Variants in CCDC7 observed in about 807,000 individuals in gnomAD.
CCDC7 encodes the protein coiled-coil domain-containing protein 7.
A neutral mutation model predicts 196.9 loss-of-function variants in CCDC7; 183 were observed. The ratio of observed to expected loss-of-function variants is 0.93; its 90% CI spans 0.82 to 1.05. The LOEUF (loss-of-function observed/expected upper bound fraction) is 1.05. CCDC7 is among the 50% of genes least tolerant of loss of function. The pLI is 0.00. For synonymous variants in CCDC7, 525 were observed against 484.6 expected, an observed-to-expected ratio of 1.08 and a Z score of -1.10; for missense variants, 1,540 against 1,482.2, an observed-to-expected ratio of 1.04 and a Z score of -0.64.
At chr10:32,632,146 G>T (rs1213601661) in intron 18 of CCDC7, among the ~76,000 whole-genome samples, 7 of 139,744 alleles carry the variant, frequency 5.0e-5, no homozygotes, top group African/African-American at 1.3e-4. Flanking sequence ...TTTTGGGGGG[G>T]GGGGGGTCTA....
intron 25 of CCDC7, among the ~76,000 whole-genome samples, chr10:32,725,917 A>G (rs1051235404): frequency 1.3e-5 from 2 of 152,206 alleles, no homozygotes; most frequent in African/African-American, 4.8e-5. Context: ...ACCATATCAA[A>G]TATGTAAAAC....
chr10:32,728,991 C>G, exon 27 of CCDC7: 1 of 1,569,334 alleles, frequency 6.4e-7, no homozygotes, highest in Non-Finnish European at 8.8e-7. Flanking sequence ...AGTGGAAAGA[C>G]ACAAGAGTGA....
At chr10:32,594,381 AT>A (rs1269284561) in intron 18 of CCDC7, among the ~76,000 whole-genome samples, 1 of 152,084 alleles carries the variant, frequency 6.6e-6, no homozygotes, top group African/African-American at 2.4e-5. Context: ...AATGCTTGTG[AT>A]TTTTGCACAT....
At chr10:32,609,127 A>G (rs575395295) in intron 18 of CCDC7, among the ~76,000 whole-genome samples, 3 of 152,084 alleles carry the variant, frequency 2.0e-5, no homozygotes, top group Admixed American at 6.6e-5. Context: ...TGTTATGTCC[A>G]CTTAAGTCTA....
chr10:32,771,245 T>C (rs2134082397), intron 28 of CCDC7, among the ~76,000 whole-genome samples: 1 of 152,348 alleles, frequency 6.6e-6, no homozygotes, highest in East Asian at 1.9e-4. Flanking sequence ...CCTTTAATAT[T>C]TCTTATAGGG....
chr10:32,847,774 C>T, intron 37 of CCDC7, 59 bp from the exon 39 acceptor site: 1 of 972,974 alleles, frequency 1.0e-6, no homozygotes, highest in Admixed American at 2.4e-5. Context: ...AACTAAAATA[C>T]ATGTGTAACA....
intron 18 of CCDC7, among the ~76,000 whole-genome samples, chr10:32,626,649 C>T (rs1329781219): frequency 2.0e-5 from 3 of 151,978 alleles, no homozygotes; most frequent in Non-Finnish European, 2.9e-5. Context: ...CAATGCTGTG[C>T]AGCTTTTACT....
rs188476860 is a variant in CCDC7 at position 32,487,317 on chromosome 10, G to A, written c.797-4605G>A. ...TGTGCATTCGTCATGTAGTTCTCGT[G>A]CCTTAGTTTTCAGCTCCATCAGTCC... On this transcript the variant is annotated intron_variant, in intron 8 of 41. Transcript: ENST00000639629. 1.4e-4 allele frequency among the ~76,000 whole-genome samples: 21 copies of A among 152,248 alleles called. No homozygotes were observed. In the East Asian group the frequency reaches 3.9e-3, roughly 28 times the overall value.
chr10:32,806,834 A>T (rs1327543721), intron 30 of CCDC7, among the ~76,000 whole-genome samples: 2 of 152,156 alleles, frequency 1.3e-5, no homozygotes, highest in Non-Finnish European at 2.9e-5. Flanking sequence ...TCATAGTAAC[A>T]ATGTTGAAAG....
chr10:32,754,977 GCT>G (rs2076192805), intron 28 of CCDC7, among the ~76,000 whole-genome samples: 1 of 152,082 alleles, frequency 6.6e-6, no homozygotes, highest in South Asian at 2.1e-4. Context: ...TATATCCCGC[GCT>G]GGCTTGGAGG....
rs2074995271 is a variant in CCDC7, at chr10:32,747,590, C to T, written c.2905+18133C>T. On this transcript the variant is annotated intron_variant, in intron 28 of 41. Transcript: ENST00000639629. ...TCTCAAAAGAACACATACATGCGGC[C>T]AACAAGCATATGAAAAAAATGCTTA... Among the ~76,000 whole-genome samples, 5 of 152,078 alleles carry T rather than the reference C, an allele frequency of 3.3e-5. No homozygotes were observed. In the South Asian group the frequency reaches 1.0e-3, roughly 32 times the overall value.
intron 24 of CCDC7, among the ~76,000 whole-genome samples, chr10:32,704,694 A>C (rs1035583604): frequency 2.0e-5 from 3 of 152,024 alleles, no homozygotes; most frequent in African/African-American, 2.4e-5. Context: ...TTAGCTACTC[A>C]AGCCTCAGCA....
chr10:32,705,781 T>C (rs2079625365), intron 24 of CCDC7, among the ~76,000 whole-genome samples: 1 of 152,154 alleles, frequency 6.6e-6, no homozygotes, highest in Non-Finnish European at 1.5e-5. Context: ...ATCCTAAATA[T>C]GTGTGCACCC....
At chr10:32,722,912 C>T (rs960488764) in intron 25 of CCDC7, among the ~76,000 whole-genome samples, 1 of 152,092 alleles carries the variant, frequency 6.6e-6, no homozygotes, top group Non-Finnish European at 1.5e-5. Context: ...ATATGACCAC[C>T]GTTCTTCATA....
chr10:32,654,400 G>T (rs545287557), intron 20 of CCDC7, among the ~76,000 whole-genome samples: 133 of 152,140 alleles, frequency 8.7e-4, no homozygotes, highest in African/African-American at 3.2e-3. Flanking sequence ...ATAATTTTTT[G>T]TTTAAATTCT....
intron 20 of CCDC7, among the ~76,000 whole-genome samples, chr10:32,660,058 C>T (rs2070935257): frequency 6.6e-6 from 1 of 152,066 alleles, no homozygotes; most frequent in Non-Finnish European, 1.5e-5. Flanking sequence ...TGCTTTTTGC[C>T]TGAGTGGGTA....
chr10:32,610,502 A>G (rs2061998280), intron 18 of CCDC7, among the ~76,000 whole-genome samples: 1 of 152,150 alleles, frequency 6.6e-6, no homozygotes, highest in African/African-American at 2.4e-5. Context: ...TACATGTGCC[A>G]TAGTGGCTTG....
At chr10:32,711,862 A>T (rs2080896737) in intron 25 of CCDC7, 132 bp downstream of exon 26, 1 of 462,006 alleles carries the variant, frequency 2.2e-6, no homozygotes, top group Non-Finnish European at 3.8e-6. Context: ...ATACTCTAAC[A>T]TAACTCAAGA....
chr10:32,509,626 A>G (rs932153909), intron 9 of CCDC7, among the ~76,000 whole-genome samples: 1 of 152,138 alleles, frequency 6.6e-6, no homozygotes, highest in Non-Finnish European at 1.5e-5. Context: ...AAACTATGGA[A>G]TGGGAGAAAA....
Sources: allele counts gnomAD v4.1 joint callset (sites outside exome capture counted in the v4.1 genomes callset), GRCh38; gene constraint gnomAD v4.1.1; transcripts MANE v1.5; gene names NCBI Gene and HGNC (gene_info 2026-07-23, HGNC 2026-07-21).